The following ADAMTSL1 variants were observed in gnomAD, a reference collection of about 807,000 sequenced individuals.
ADAMTSL1 encodes ADAMTS-like protein 1.
In ADAMTSL1, 126 loss-of-function variants were observed where a neutral mutation model predicts 201.8. That is an observed-to-expected ratio of 0.62 (90% CI 0.54 to 0.72). The LOEUF is 0.72. Among genes scored for constraint, ADAMTSL1 ranks in the 30% least tolerant of loss-of-function variants. ADAMTSL1 has a pLI of 0.00. For missense variants in ADAMTSL1, 2,679 were observed against 2,277.8 expected, an observed-to-expected ratio of 1.18 and a Z score of -3.59; for synonymous variants, 1,121 against 903.4, an observed-to-expected ratio of 1.24 and a Z score of -4.32.
chr9:17,956,356 T>C (rs1201348740), intron 1 of ADAMTSL1, among the ~76,000 whole-genome samples: 1 of 152,172 alleles, frequency 6.6e-6, no homozygotes, highest in African/African-American at 2.4e-5. Context: ...ATAGTATTGA[T>C]AGTATTAGTA....
chr9:18,087,169 T>A (rs1380935271), intron 1 of ADAMTSL1, among the ~76,000 whole-genome samples: 1 of 152,142 alleles, frequency 6.6e-6, no homozygotes, highest in Non-Finnish European at 1.5e-5. Context: ...TGTAGTTAAT[T>A]TCAGTCATAA....
At position 18,706,968 on chromosome 9, in the gene ADAMTSL1, T is replaced by C; in HGVS notation, c.1796T>C (p.Phe599Ser). The C allele has an allele frequency of 6.2e-7, 1 of 1,613,954 alleles. No individual in the cohort carries two copies. The highest frequency in any genetic ancestry group is 8.5e-7 in the Non-Finnish European group (1 of 1,179,878). ...EFNPDETDGL[F>S]GGLQDFDELY... The stretch of plus-strand genomic sequence containing the variant: ...AACCCAGACGAGACAGATGGGCTCT[T>C]TGGTGGCCTGCAGGATTTCGACGAG... The change falls in exon 14 of 29, where the codon TTT becomes TCT. Residue 599 changes from phenylalanine to serine, a missense_variant. Transcript: ENST00000380548.
chr9:18,358,352 T>G (rs1291582721), intron 2 of ADAMTSL1, among the ~76,000 whole-genome samples: 2 of 152,158 alleles, frequency 1.3e-5, no homozygotes, highest in Non-Finnish European at 2.9e-5. Flanking sequence ...ATTAAGAACA[T>G]TTTTGCATTT....
intron 15 of ADAMTSL1, among the ~76,000 whole-genome samples, chr9:18,739,046 A>G (rs894054939): frequency 2.0e-5 from 3 of 152,198 alleles, no homozygotes; most frequent in Non-Finnish European, 2.9e-5. Context: ...AACTCGGCCA[A>G]GTTACTTCAA....
chr9:18,703,170 G>A (rs1278315810), intron 13 of ADAMTSL1, among the ~76,000 whole-genome samples: 1 of 152,026 alleles, frequency 6.6e-6, no homozygotes, highest in African/African-American at 2.4e-5. Flanking sequence ...TATTTTAAAG[G>A]TCCCTCTTTA....
chr9:18,750,858 G>A (rs1819431624), intron 15 of ADAMTSL1, among the ~76,000 whole-genome samples: 1 of 152,206 alleles, frequency 6.6e-6, no homozygotes, highest in Non-Finnish European at 1.5e-5. Flanking sequence ...TGGCTGGCAA[G>A]TTGATGCTGA....
intron 23 of ADAMTSL1, among the ~76,000 whole-genome samples, chr9:18,855,136 C>T (rs1269710909): frequency 6.6e-6 from 1 of 152,128 alleles, no homozygotes; most frequent in Non-Finnish European, 1.5e-5. Flanking sequence ...TCCACAGAGC[C>T]TCAGAAACAC....
At chr9:18,866,302 A>C (rs1221616570) in intron 23 of ADAMTSL1, among the ~76,000 whole-genome samples, 2 of 152,078 alleles carry the variant, frequency 1.3e-5, no homozygotes, top group African/African-American at 4.8e-5. Flanking sequence ...CTGGCAATCC[A>C]TAGAGAGCAC....
intron 14 of ADAMTSL1, among the ~76,000 whole-genome samples, chr9:18,720,502 G>C (rs1002083592): frequency 1.1e-4 from 17 of 152,148 alleles, no homozygotes; most frequent in African/African-American, 3.6e-4. Flanking sequence ...TCCACAAGGG[G>C]ACCAGGTGCA....
chr9:18,254,161 G>A (rs962278362), intron 2 of ADAMTSL1, among the ~76,000 whole-genome samples: 2 of 151,968 alleles, frequency 1.3e-5, no homozygotes, highest in Admixed American at 1.3e-4. Context: ...CCTGTAGGAT[G>A]GGAGAGCTAA....
chr9:18,263,463 C>T (rs186297360), intron 2 of ADAMTSL1, among the ~76,000 whole-genome samples: 390 of 152,312 alleles, frequency 2.6e-3, no homozygotes, highest in African/African-American at 8.5e-3. Flanking sequence ...TGTTGTAGAA[C>T]TCTCAGCACT....
intron 2 of ADAMTSL1, among the ~76,000 whole-genome samples, chr9:18,530,994 AC>A (rs1375989657): frequency 6.6e-6 from 1 of 152,180 alleles, no homozygotes; most frequent in African/African-American, 2.4e-5. Flanking sequence ...GAATTCAATT[AC>A]CTTGTAAATT....
At chr9:18,444,926 A>G (rs1040743168) in intron 2 of ADAMTSL1, among the ~76,000 whole-genome samples, 80 of 152,272 alleles carry the variant, frequency 5.3e-4, no homozygotes, top group African/African-American at 1.9e-3. Flanking sequence ...AGTATTTAGC[A>G]TGCCTTCTTA....
chr9:18,018,517 G>T (rs1428946754), intron 1 of ADAMTSL1, among the ~76,000 whole-genome samples: 5 of 152,002 alleles, frequency 3.3e-5, no homozygotes, highest in Admixed American at 2.0e-4. Context: ...AAAAGGCTGT[G>T]GTTTTCTTCT....
intron 2 of ADAMTSL1, among the ~76,000 whole-genome samples, chr9:18,167,294 A>G (rs1827678121): frequency 6.6e-6 from 1 of 151,934 alleles, no homozygotes; most frequent in Non-Finnish European, 1.5e-5. Context: ...TTTGTGGTAA[A>G]CACAGTGGTT....
At chr9:18,482,533 G>T (rs1023286489) in intron 1 of ADAMTSL1, among the ~76,000 whole-genome samples, 2 of 152,200 alleles carry the variant, frequency 1.3e-5, no homozygotes, top group Non-Finnish European at 2.9e-5. Context: ...TGAAAAGAGC[G>T]TGATAACCTA....
chr9:18,374,389 A>G (rs1362296054), intron 2 of ADAMTSL1, among the ~76,000 whole-genome samples: 4 of 151,538 alleles, frequency 2.6e-5, no homozygotes, highest in African/African-American at 7.3e-5. Context: ...GCAATTGTAC[A>G]GTGGTGCAGT....
chr9:18,235,773 T>C (rs149929106), intron 2 of ADAMTSL1, among the ~76,000 whole-genome samples: 158 of 152,276 alleles, frequency 1.0e-3, no homozygotes, highest in African/African-American at 3.6e-3. Context: ...CCTGCATTGA[T>C]CTTAGCAGAG....
intron 2 of ADAMTSL1, among the ~76,000 whole-genome samples, chr9:18,281,819 C>T (rs1276601691): frequency 2.8e-4 from 43 of 152,202 alleles, no homozygotes. Context: ...ATCCTCCTAC[C>T]TCAGCCTCTA....
Sources: gnomAD v4.1 joint callset for allele counts (sites outside exome capture counted in the v4.1 genomes callset) on GRCh38, gnomAD v4.1.1 for gene constraint, MANE v1.5 for transcripts, NCBI Gene and HGNC (gene_info 2026-07-23, HGNC 2026-07-21) for gene names.